The following PABPC4 variants were observed in gnomAD, a reference collection of about 807,000 sequenced individuals.
PABPC4 encodes polyadenylate-binding protein 4.
In PABPC4, 15 loss-of-function variants were observed where a neutral mutation model predicts 74.5. The ratio of observed to expected loss-of-function variants is 0.20; its 90% CI spans 0.13 to 0.31. The LOEUF is 0.31. Among genes scored for constraint, PABPC4 ranks in the 10% least tolerant of loss-of-function variants. The probability of loss-of-function intolerance (pLI) is 1.00; values close to 1 mark genes in which losing one functional copy is unlikely to be tolerated. For synonymous variants in PABPC4, 345 were observed against 303.0 expected (o/e 1.14, Z -1.44); for missense variants, 610 against 853.5 (o/e 0.71, Z 3.55).
At chr1:39,571,524 C>T (rs998655819) in intron 2 of PABPC4, 175 bp from the exon 3 acceptor site, 2 of 647,984 alleles carry the variant, frequency 3.1e-6, no homozygotes, top group Non-Finnish European at 2.7e-6. Context: ...GTAAGTGTTC[C>T]ATTTACAAAG....
chr1:39,568,628 A>C (rs1645889247), intron 6 of PABPC4, 174 bp downstream of exon 6: 2 of 540,106 alleles, frequency 3.7e-6, no homozygotes, highest in South Asian at 7.0e-5. Flanking sequence ...TTCTGGTTCT[A>C]TAATAATCAG....
In PABPC4 at chr1:39,568,937, A is replaced by G. The variant is rs781698032; in HGVS notation, c.741T>C (p.Ala247=). 2.4e-5 allele frequency: 38 copies of G among 1,607,906 alleles called. No individual in the cohort carries two copies. The South Asian group carries it at 2.9e-4, about 12-fold the overall frequency. Residue 247 remains alanine (A), a splice_region_variant and synonymous_variant, in exon 6 of 16, where the codon GCT becomes GCC. Transcript: ENST00000372858. ...SYEKHEDANK[A]VEEMNGKEIS... is the part of the protein sequence containing the mutation. Reference sequence around the variant, plus strand: ...TTTCTTTTCCATTCATCTCTTCCACAGCCTAGAGAGGAAAAATATGTCTTT... The same window carrying G: ...TTTCTTTTCCATTCATCTCTTCCACGGCCTAGAGAGGAAAAATATGTCTTT...
rs527870543 is a variant in PABPC4, at chr1:39,569,532, G to A, written c.738+63C>T. 2.6e-6 allele frequency: 3 copies of A among 1,176,262 alleles called. No individual in the cohort carries two copies. The African/African-American group carries it at 4.5e-5, about 18-fold the overall frequency. The allele number at this position is 1,176,262 out of a possible 1,614,324, so 72.9% of individuals were successfully genotyped here. A position where few individuals can be genotyped will look rare whatever the true frequency, so the allele number is the denominator to read the frequency against. On this transcript the variant is annotated intron_variant, in intron 5 of 15. Coordinates refer to ENST00000372858, the MANE Select transcript of PABPC4 (RefSeq NM_001135653.2). ...CCCAGCTCTAGGTAGGTGCTAGCAA[G>A]ACCCTACCCATACTCTGGGGCAACC...
Position 39,569,945 on chromosome 1 carries a change from G to A in PABPC4, c.561C>T (p.Ala187=), listed in dbSNP as rs766461813. ...KEREAELGAK[A]KEFTNVYIKN... ...TGATATAAACATTGGTGAATTCCTT[G>A]GCTTTGGCTCCAAGCTCAGCTTCCC... Residue 187 remains alanine (A), a synonymous_variant, in exon 4 of 16, where the codon GCC becomes GCT. Coordinates refer to ENST00000372858, the MANE Select transcript of PABPC4 (RefSeq NM_001135653.2). 4.3e-6 allele frequency: 7 copies of A among 1,614,004 alleles called. No individual in the cohort carries two copies. The Middle Eastern group carries it at 6.6e-4, about 152-fold the overall frequency.
chr1:39,565,056 T>TA, intron 8 of PABPC4, 50 bp downstream of exon 8: 1 of 1,598,380 alleles, frequency 6.3e-7, no homozygotes, highest in Non-Finnish European at 8.6e-7. Context: ...CACTGCAGAA[T>TA]ACTGCCAGCC....
intron 10 of PABPC4, 69 bp from the exon 11 acceptor site, chr1:39,563,991 G>T: frequency 6.9e-7 from 1 of 1,457,640 alleles, no homozygotes; most frequent in Non-Finnish European, 9.6e-7. Flanking sequence ...CCCACGGAAG[G>T]AGAAATTTCA....
At chr1:39,562,577 G>T (rs879775729) in intron 12 of PABPC4, 161 bp from the exon 13 acceptor site, 58 of 593,580 alleles carry the variant, frequency 9.8e-5, no homozygotes, top group Middle Eastern at 3.1e-4. Flanking sequence ...AAGGATTGAG[G>T]GGTGTGTTGA....
chr1:39,564,619 A>G (rs1570375056), intron 9 of PABPC4, 67 bp downstream of exon 9: 2 of 1,610,360 alleles, frequency 1.2e-6, no homozygotes, highest in South Asian at 2.2e-5. Context: ...AGTGGGGAAG[A>G]AGGAAAGGCA....
At chr1:39,571,826 C>G in intron 2 of PABPC4, 1 of 317,206 alleles carries the variant, frequency 3.2e-6, no homozygotes, top group Non-Finnish European at 6.2e-6. Flanking sequence ...TGAGCTATTA[C>G]TAGACCACTG....
Position 39,575,975 on chromosome 1 carries a change from G to A in PABPC4, c.-24C>T. The A allele has an allele frequency of 6.9e-7, 1 of 1,449,172 alleles. No individual in the cohort carries two copies. The highest frequency in any genetic ancestry group is 9.2e-7 in the Non-Finnish European group (1 of 1,083,384). 89.8% of individuals were successfully genotyped at this position (1,449,172 alleles called of 1,614,324 possible). The stretch of plus-strand genomic sequence containing the variant: ...ATCTCCCCGCCCCCCACCACCCCGA[G>A]CCCCGCCAGGAGGACTTCTTATCGG... On this transcript the variant is annotated 5_prime_UTR_variant, in exon 1 of 16. Transcript: ENST00000372858.
Position 39,564,485 on chromosome 1 carries a change from T to C in PABPC4, c.1391A>G (p.His464Arg), listed in dbSNP as rs763993035. 6.2e-7 allele frequency: 1 copy of C among 1,614,210 alleles called. No homozygotes were observed. Among genetic ancestry groups the C allele is most frequent in the Non-Finnish European group, 8.5e-7 (1 of 1,180,034 alleles). The change falls in exon 10 of 16, where the codon CAT (histidine) becomes CGT (arginine). Residue 464 changes from histidine (H) to arginine (R), a missense_variant. His to Arg is a conservative substitution (Grantham distance 29). Coordinates refer to ENST00000372858, the MANE Select transcript of PABPC4 (RefSeq NM_001135653.2). ...CGGAGCATTACCAGTTGGAGCCAGA[T>C]GGCGAAGAGTTGGACGAGGCCCAGA... ...RQSGPRPTLR[H>R]LAPTGNAPAS... is the part of the protein sequence containing the mutation.
Position 39,569,583 on chromosome 1 carries a change from T to C in PABPC4, c.738+12A>G. On this transcript the variant is annotated intron_variant, in intron 5 of 15. Coordinates refer to ENST00000372858, the MANE Select transcript of PABPC4 (RefSeq NM_001135653.2). ...TCTTAAAAGCTTTTCCCAATCTTTG[T>C]GGTATACTCACCTTATTGGCATCCT... 4 of 1,604,904 alleles carry C rather than the reference T, an allele frequency of 2.5e-6. No homozygotes were observed. Among genetic ancestry groups the C allele is most frequent in the East Asian group, 2.2e-5 (1 of 44,850 alleles).
chr1:39,560,938 A>T lies in PABPC4; in HGVS notation c.*198T>A. ...AAAAAGTTAACACTGTCTGGGCCAC[A>T]GCAGAACCCAAAGAACATATTCGTA... On this transcript the variant is annotated 3_prime_UTR_variant, in exon 16 of 16. Transcript: ENST00000372858. The T allele has an allele frequency of 3.5e-6, 1 of 284,156 alleles. No homozygotes were observed. Among genetic ancestry groups the T allele is most frequent in the East Asian group, 8.0e-5 (1 of 12,440 alleles). 17.6% of individuals were successfully genotyped at this position (284,156 alleles called of 1,614,324 possible).
intron 8 of PABPC4, 60 bp downstream of exon 8, chr1:39,565,046 C>G (rs1208854105): frequency 6.4e-7 from 1 of 1,567,530 alleles, no homozygotes; most frequent in African/African-American, 1.4e-5. Context: ...TCTCCCCAAC[C>G]ACTGCAGAAT....
Position 39,576,516 on chromosome 1 carries a change from G to T in PABPC4, c.-565C>A, listed in dbSNP as rs545370970. ...GGGGCGCGGGGCTCGGGGCCCGAGCGGGGGGAGGGCACGGCGGGCCGGGCG... is the reference window on the plus strand; with the variant it reads ...GGGGCGCGGGGCTCGGGGCCCGAGCTGGGGGAGGGCACGGCGGGCCGGGCG... On this transcript the variant is annotated 5_prime_UTR_variant, in exon 1 of 16. Transcript: ENST00000372858. 3 of 150,078 alleles carry T rather than the reference G, an allele frequency of 2.0e-5. 1 individual carries two copies. Among genetic ancestry groups the T allele is most frequent in the Admixed American group, 1.3e-4 (2 of 15,014 alleles). 9.3% of individuals were successfully genotyped at this position (150,078 alleles called of 1,614,324 possible).
intron 2 of PABPC4, 48 bp from the exon 3 acceptor site, chr1:39,571,397 A>G: frequency 6.2e-7 from 1 of 1,609,120 alleles, no homozygotes; most frequent in Non-Finnish European, 8.5e-7. Flanking sequence ...CCAGCTCCTG[A>G]GACATGAGAA....
In PABPC4 at chr1:39,569,692, A is replaced by G. The variant is rs548531776; in HGVS notation, c.644-3T>C. 2.0e-5 allele frequency: 33 copies of G among 1,610,860 alleles called. 1 individual carries two copies. The South Asian group carries it at 3.6e-4, about 18-fold the overall frequency. On this transcript the variant is annotated splice_polypyrimidine_tract_variant and splice_region_variant and intron_variant, in intron 4 of 15. Transcript: ENST00000372858. Reference sequence around the variant, plus strand: ...CACCTTGACACTTAGGGTCTTACCTATTACCAAAGGACAGAACTATTAGTA... The same window carrying G: ...CACCTTGACACTTAGGGTCTTACCTGTTACCAAAGGACAGAACTATTAGTA...
At chr1:39,574,814 T>C (rs961217407) in intron 1 of PABPC4, among the ~76,000 whole-genome samples, 1 of 152,170 alleles carries the variant, frequency 6.6e-6, no homozygotes, top group African/African-American at 2.4e-5. Context: ...TAATCTGGAG[T>C]CACGTGCAGC....
At chr1:39,574,834 G>C (rs1435311074) in intron 1 of PABPC4, among the ~76,000 whole-genome samples, 1 of 152,196 alleles carries the variant, frequency 6.6e-6, no homozygotes, top group African/African-American at 2.4e-5. Flanking sequence ...CCTCTGATCA[G>C]GTTTCCTCTG....
Sources: gnomAD v4.1 joint callset for allele counts (sites outside exome capture counted in the v4.1 genomes callset) on GRCh38, gnomAD v4.1.1 for gene constraint, MANE v1.5 for transcripts, NCBI Gene and HGNC (gene_info 2026-07-23, HGNC 2026-07-21) for gene names.